RNF38: variants seen among roughly 807,000 people sequenced by gnomAD.
RNF38 encodes E3 ubiquitin-protein ligase RNF38.
Under a neutral mutation model 67.2 loss-of-function variants are expected in RNF38, and 15 were observed. The ratio of observed to expected loss-of-function variants is 0.22; its 90% CI spans 0.15 to 0.34. The LOEUF (loss-of-function observed/expected upper bound fraction) is 0.34. Among genes scored for constraint, RNF38 ranks in the 10% least tolerant of loss-of-function variants. The pLI is 1.00. For synonymous variants in RNF38, 220 were observed against 218.8 expected (o/e 1.01, Z -0.05); for missense variants, 524 against 639.9 (o/e 0.82, Z 1.95).
chr9:36,426,076 C>T (rs557047769), intron 1 of RNF38, among the ~76,000 whole-genome samples: 1 of 152,074 alleles, frequency 6.6e-6, no homozygotes, highest in Non-Finnish European at 1.5e-5. Context: ...TGAGGATCAC[C>T]TGCTTATTTA....
At chr9:36,343,380 A>AT (rs1258042079) in intron 10 of RNF38, among the ~76,000 whole-genome samples, 1 of 152,200 alleles carries the variant, frequency 6.6e-6, no homozygotes, top group African/African-American at 2.4e-5. Flanking sequence ...TGAGATCTAT[A>AT]ATATGTATAA....
intron 1 of RNF38, among the ~76,000 whole-genome samples, chr9:36,393,383 TATTCAAA>T (rs1837258421): frequency 6.6e-6 from 1 of 152,082 alleles, no homozygotes; most frequent in Non-Finnish European, 1.5e-5. Flanking sequence ...AGAAAAGCTA[TATTCAAA>T]ATAAGTCTGG....
intron 2 of RNF38, among the ~76,000 whole-genome samples, chr9:36,383,927 G>A (rs1327648247): frequency 2.6e-5 from 4 of 151,776 alleles, no homozygotes; most frequent in South Asian, 2.1e-4. Flanking sequence ...AGTAAAATAC[G>A]GTATTTTCCT....
intron 1 of RNF38, 64 bp downstream of exon 1, chr9:36,400,033 C>T: frequency 6.9e-7 from 1 of 1,445,674 alleles, no homozygotes; most frequent in African/African-American, 1.4e-5. Context: ...GTAGAATTAG[C>T]ATACCCAACT....
chr9:36,477,821 C>CCAA (rs1840155723), intron 1 of RNF38, among the ~76,000 whole-genome samples: 1 of 110,432 alleles, frequency 9.1e-6, no homozygotes, highest in Non-Finnish European at 1.8e-5. Context: ...GACTCTGTCT[C>CCAA]AAAAAAAAAA....
chr9:36,343,312 T>C (rs1219651120), intron 10 of RNF38, among the ~76,000 whole-genome samples: 1 of 152,212 alleles, frequency 6.6e-6, no homozygotes, highest in Non-Finnish European at 1.5e-5. Flanking sequence ...TTTTTATTAT[T>C]CTATTCCTCA....
At chr9:36,448,679 A>G (rs1172298440) in intron 1 of RNF38, among the ~76,000 whole-genome samples, 4 of 152,044 alleles carry the variant, frequency 2.6e-5, no homozygotes, top group East Asian at 1.9e-4. Context: ...CCACCCCCAG[A>G]TAAGTTCTAA....
In RNF38 at chr9:36,420,499, T is replaced by C. The variant is rs192818818; in HGVS notation, n.312+4114A>G. Reference sequence around the variant, plus strand: ...GTGAACTGAGATCGCGCCACTGCACTCCAGCCTGGGCAACAGAGCAAGACT... The same window carrying C: ...GTGAACTGAGATCGCGCCACTGCACCCCAGCCTGGGCAACAGAGCAAGACT... On this transcript the variant is annotated intron_variant and non_coding_transcript_variant, in intron 2 of 3. Transcript: ENST00000488058. 1.5e-3 allele frequency among the ~76,000 whole-genome samples: 180 copies of C among 118,042 alleles called. 3 individuals are homozygous for C. The Middle Eastern group carries it at 0.017, about 11-fold the overall frequency. 77.4% of individuals were successfully genotyped at this position (118,042 alleles called of 152,430 possible). A position where few individuals can be genotyped will look rare whatever the true frequency, so the allele number is the denominator to read the frequency against.
chr9:36,393,509 GTGTGTGTGTGTGT>G (rs1837284798), intron 1 of RNF38, among the ~76,000 whole-genome samples: 2 of 148,958 alleles, frequency 1.3e-5, no homozygotes, highest in African/African-American at 5.0e-5. Context: ...GTGTGTGTGT[GTGTGTGTGTGTGT>G]GGGGCAGGCA....
At chr9:36,341,155 A>G (rs2133320842) in intron 11 of RNF38, among the ~76,000 whole-genome samples, 1 of 152,248 alleles carries the variant, frequency 6.6e-6, no homozygotes, top group South Asian at 2.1e-4. Flanking sequence ...CCGCTCATTG[A>G]TTTTATCTCT....
At chr9:36,417,961 C>T (rs1326741039) in intron 2 of RNF38, among the ~76,000 whole-genome samples, 1 of 151,918 alleles carries the variant, frequency 6.6e-6, no homozygotes, top group Non-Finnish European at 1.5e-5. Context: ...TAAGAAAAAA[C>T]AATCTGTTAA....
At chr9:36,387,048 C>T (rs1328995288) in intron 2 of RNF38, among the ~76,000 whole-genome samples, 11 of 152,312 alleles carry the variant, frequency 7.2e-5, no homozygotes, top group African/African-American at 2.4e-4. Flanking sequence ...AGTGATCCAC[C>T]TGCTTCGGCC....
upstream of RNF38, among the ~76,000 whole-genome samples, chr9:36,403,106 T>G (rs1022520941): frequency 5.9e-5 from 9 of 152,192 alleles, no homozygotes; most frequent in African/African-American, 2.2e-4. Context: ...AGCCTCTAAT[T>G]TATTTCTTAA....
rs1837879029 is a variant in RNF38, at chr9:36,400,006, G to A, written c.12+91C>T. Reference sequence around the variant, plus strand: ...TATAATGGTGGCAATAATTACATGTGTGTGTTTCTACTTACGGTAGAATTA... The same window carrying A: ...TATAATGGTGGCAATAATTACATGTATGTGTTTCTACTTACGGTAGAATTA... On this transcript the variant is annotated intron_variant, in intron 1 of 11. Transcript: ENST00000259605. The A allele has an allele frequency of 4.4e-6, 5 of 1,141,064 alleles. No homozygotes were observed. The Admixed American group carries it at 8.4e-5, about 19-fold the overall frequency. 70.7% of individuals were successfully genotyped at this position (1,141,064 alleles called of 1,614,324 possible). A position where few individuals can be genotyped will look rare whatever the true frequency, so the allele number is the denominator to read the frequency against.
intron 10 of RNF38, 81 bp downstream of exon 10, chr9:36,344,751 T>G: frequency 7.1e-7 from 1 of 1,403,436 alleles, no homozygotes. Context: ...TCTCCCAACT[T>G]TTACCTTAAT....
chr9:36,422,260 T>C (rs964380270), intron 2 of RNF38, among the ~76,000 whole-genome samples: 3 of 150,106 alleles, frequency 2.0e-5, no homozygotes, highest in East Asian at 2.0e-4. Context: ...CAAACAAACA[T>C]AAAAATGCAA....
intron 11 of RNF38, among the ~76,000 whole-genome samples, chr9:36,341,452 T>C (rs1832819971): frequency 6.6e-6 from 1 of 151,874 alleles, no homozygotes; most frequent in Non-Finnish European, 1.5e-5. Context: ...TTTGACTATA[T>C]TTTTTTTATA....
intron 1 of RNF38, among the ~76,000 whole-genome samples, chr9:36,426,805 T>C (rs1300322117): frequency 1.3e-5 from 2 of 152,220 alleles, no homozygotes; most frequent in East Asian, 1.9e-4. Context: ...TTACAGACTA[T>C]GTGAACTTAG....
At chr9:36,486,725 A>T (rs1840421506) in intron 1 of RNF38, among the ~76,000 whole-genome samples, 1 of 151,710 alleles carries the variant, frequency 6.6e-6, no homozygotes, top group African/African-American at 2.4e-5. Context: ...CCCCGCACAG[A>T]AGTCTTTCCC....
Sources: gnomAD v4.1 joint callset for allele counts (sites outside exome capture counted in the v4.1 genomes callset) on GRCh38, gnomAD v4.1.1 for gene constraint, MANE v1.5 for transcripts, NCBI Gene and HGNC (gene_info 2026-07-23, HGNC 2026-07-21) for gene names.